FIBCD1: variants seen among roughly 807,000 people sequenced by gnomAD.
FIBCD1 encodes the protein fibrinogen C domain-containing protein 1.
Under a neutral mutation model 45.1 loss-of-function variants are expected in FIBCD1, and 47 were observed. The ratio of observed to expected loss-of-function variants is 1.04; its 90% confidence interval spans 0.82 to 1.33. The LOEUF is 1.33. FIBCD1 is among the 40% of genes most tolerant of loss of function. FIBCD1 has a pLI of 0.00. For synonymous variants in FIBCD1, 313 were observed against 308.1 expected (o/e 1.02, Z -0.17); for missense variants, 653 against 682.2 (o/e 0.96, Z 0.48).
chr9:130,912,776 G>A (rs995240046), intron 4 of FIBCD1, among the ~76,000 whole-genome samples: 1 of 151,206 alleles, frequency 6.6e-6, no homozygotes, highest in African/African-American at 2.4e-5. Context: ...ACTTTGCTCT[G>A]GGCTTCGGTT....
At chr9:130,904,387 T>C in intron 6 of FIBCD1, 64 bp from the exon 7 acceptor site, 2 of 1,534,286 alleles carry the variant, frequency 1.3e-6, no homozygotes, top group Non-Finnish European at 1.7e-6. Flanking sequence ...GTGTTGCATG[T>C]GTGAGCAGAC....
At chr9:130,908,654 G>A (rs952197955) in intron 5 of FIBCD1, among the ~76,000 whole-genome samples, 1 of 152,214 alleles carries the variant, frequency 6.6e-6, no homozygotes. Flanking sequence ...AGGAGGGGAC[G>A]ACAGCAGGGC....
At position 130,938,645 on chromosome 9, in the gene FIBCD1, G is replaced by T. The variant is rs1192922068; in HGVS notation, c.-38C>A. ...CTGGCGGGGGCGCCGGGCGAGGCGC[G>T]CCGCTGCGGAGCGCAAAGGAGACGG... On this transcript the variant is annotated 5_prime_UTR_variant, in exon 1 of 7. Transcript: ENST00000372338. The T allele has an allele frequency of 7.3e-7, 1 of 1,374,590 alleles. No homozygotes were observed. 85.1% of individuals were successfully genotyped at this position (1,374,590 alleles called of 1,614,324 possible). A position where few individuals can be genotyped will look rare whatever the true frequency, so the allele number is the denominator to read the frequency against.
Position 130,904,100 on chromosome 9 carries a change from A to C in FIBCD1, c.1350T>G (p.Ser450=). Reference sequence around the variant, plus strand: ...CCCGGACCGGCCGGATCTTCATCTCAGAGAACTTGAGTGAGTACTGCCAGC... The same window carrying C: ...CCCGGACCGGCCGGATCTTCATCTCCGAGAACTTGAGTGAGTACTGCCAGC... ...WTGWQYSLKF[S]EMKIRPVRED... The change falls in exon 7 of 7, where the codon TCT becomes TCG. Residue 450 remains serine (S), a synonymous_variant. Transcript: ENST00000372338. 6.2e-7 allele frequency: 1 copy of C among 1,613,126 alleles called. No individual in the cohort carries two copies. The highest frequency in any genetic ancestry group is 8.5e-7 in the Non-Finnish European group (1 of 1,179,852).
intron 1 of FIBCD1, chr9:130,933,736 G>C (rs553530098): frequency 4.2e-5 from 6 of 143,288 alleles, no homozygotes; most frequent in South Asian, 5.0e-4. Context: ...GTGGGGGGGG[G>C]GCGGCTCAGG....
chr9:130,930,026 C>G lies in FIBCD1; in HGVS notation c.93G>C (p.Val31=). The G allele has an allele frequency of 1.3e-6, 2 of 1,505,122 alleles. No individual in the cohort carries two copies. The highest frequency in any genetic ancestry group is 1.8e-6 in the Non-Finnish European group (2 of 1,128,160). The allele number at this position is 1,505,122 out of a possible 1,614,324, so 93.2% of individuals were successfully genotyped here. Residue 31 remains valine (V), a synonymous_variant, in exon 2 of 7, where the codon GTG becomes GTC. Transcript: ENST00000372338. The part of the protein sequence containing the change: ...DKPQRPSCGY[V]LCTVLLALAV... ...CCAGGGCCAGCAGCACGGTGCACAGCACGTAGCCGCAGCTCGGCCGCTGCA... is the reference window on the plus strand; with the variant it reads ...CCAGGGCCAGCAGCACGGTGCACAGGACGTAGCCGCAGCTCGGCCGCTGCA...
At position 130,926,087 on chromosome 9, in the gene FIBCD1, G is replaced by A. The variant is rs1353619580; in HGVS notation, c.553-1691C>T. On this transcript the variant is annotated intron_variant, in intron 2 of 6. Coordinates refer to ENST00000372338, the MANE Select transcript of FIBCD1 (RefSeq NM_032843.5). The surrounding 1 kb of genome is among the most constrained non-coding windows in gnomAD (Gnocchi z 4.1). ...AGCATCCTGTAGACGAGCTCCACTG[G>A]GCACGCCCCACAGAGGGACACAGGC... Among the ~76,000 whole-genome samples the A allele has an allele frequency of 5.3e-5, 8 of 152,140 alleles. No homozygotes were observed. The highest frequency in any genetic ancestry group is 5.2e-4 in the Admixed American group (8 of 15,274).
At chr9:130,927,247 AAAAAAAG>A (rs1832376811) in intron 2 of FIBCD1, among the ~76,000 whole-genome samples, 2 of 151,956 alleles carry the variant, frequency 1.3e-5, no homozygotes, top group Non-Finnish European at 1.5e-5. Context: ...TCTCGAAAAA[AAAAAAAG>A]AAAAAAGAAA....
At chr9:130,909,211 G>C (rs888115408) in intron 5 of FIBCD1, among the ~76,000 whole-genome samples, 2 of 151,912 alleles carry the variant, frequency 1.3e-5, no homozygotes, top group Non-Finnish European at 2.9e-5. Context: ...GGAACTCCCG[G>C]GATGTCCTCA....
chr9:130,940,350 C>T (rs575903837), upstream of FIBCD1, among the ~76,000 whole-genome samples: 1 of 152,286 alleles, frequency 6.6e-6, no homozygotes, highest in East Asian at 1.9e-4. Context: ...CAACCGCTGG[C>T]CTCACCTACG....
At chr9:130,940,122 C>A (rs1050406560), upstream of FIBCD1, among the ~76,000 whole-genome samples, 1 of 152,226 alleles carries the variant, frequency 6.6e-6, no homozygotes, top group African/African-American at 2.4e-5. Flanking sequence ...CAGTCTGTCG[C>A]CCCATCTTCG....
At chr9:130,937,728 G>A (rs1390324004) in intron 1 of FIBCD1, among the ~76,000 whole-genome samples, 1 of 152,168 alleles carries the variant, frequency 6.6e-6, no homozygotes, top group African/African-American at 2.4e-5. Flanking sequence ...CCCAGCCTGG[G>A]GCAGCCCTGG....
chr9:130,916,140 A>G (rs920468681), intron 4 of FIBCD1, among the ~76,000 whole-genome samples: 4 of 152,184 alleles, frequency 2.6e-5, no homozygotes, highest in Non-Finnish European at 1.5e-5. Flanking sequence ...GATCTTGGCC[A>G]GGATGGTCTT....
intron 2 of FIBCD1, 131 bp from the exon 3 acceptor site, chr9:130,924,527 C>T (rs1291310646): frequency 5.8e-6 from 5 of 868,300 alleles, no homozygotes; most frequent in Non-Finnish European, 8.6e-6. Flanking sequence ...AGGCCCCGCC[C>T]TGCCCTGCCC....
chr9:130,933,615 C>T (rs1445344638), intron 1 of FIBCD1, among the ~76,000 whole-genome samples: 1 of 151,974 alleles, frequency 6.6e-6, no homozygotes, highest in Non-Finnish European at 1.5e-5. Context: ...AAAGCTCATG[C>T]CAGCAGGGCG....
chr9:130,918,135 A>G (rs1232904535), intron 4 of FIBCD1, among the ~76,000 whole-genome samples: 1 of 152,202 alleles, frequency 6.6e-6, no homozygotes, highest in African/African-American at 2.4e-5. Flanking sequence ...CAGTTTCCTC[A>G]TCTGTAAAGC....
chr9:130,922,721 C>G lies in FIBCD1; in HGVS notation c.849+1023G>C, dbSNP rs902511994. ...CCCGTCTTCCTCTCTTCAACACCCCCAGTAGCTCCCGACTGTGTGTCCCAA... is the reference window on the plus strand; with the variant it reads ...CCCGTCTTCCTCTCTTCAACACCCCGAGTAGCTCCCGACTGTGTGTCCCAA... On this transcript the variant is annotated intron_variant, in intron 4 of 6. Transcript: ENST00000372338. This position sits in a 1 kb window ranked among gnomAD's most constrained non-coding sequence, Gnocchi z 4.5. Among the ~76,000 whole-genome samples, 1 of 152,158 alleles carries G rather than the reference C, an allele frequency of 6.6e-6. No homozygotes were observed. The highest frequency in any genetic ancestry group is 2.1e-4 in the South Asian group (1 of 4,830).
chr9:130,930,889 G>A (rs543442119), intron 1 of FIBCD1: 5 of 446,336 alleles, frequency 1.1e-5, no homozygotes, highest in Admixed American at 4.7e-5. Flanking sequence ...AGATGGTCTC[G>A]TGCTGTCTCT....
Position 130,904,100 on chromosome 9 carries a change from A to G in FIBCD1, c.1350T>C (p.Ser450=). 6.2e-7 allele frequency: 1 copy of G among 1,613,126 alleles called. No individual in the cohort carries two copies. The highest frequency in any genetic ancestry group is 8.5e-7 in the Non-Finnish European group (1 of 1,179,852). Residue 450 remains serine (S), a synonymous_variant, in exon 7 of 7, where the codon TCT becomes TCC. Coordinates refer to ENST00000372338, the MANE Select transcript of FIBCD1 (RefSeq NM_032843.5). ...WTGWQYSLKF[S]EMKIRPVRED... is the part of the protein sequence containing the mutation. ...CCCGGACCGGCCGGATCTTCATCTCAGAGAACTTGAGTGAGTACTGCCAGC... is the reference window on the plus strand; with the variant it reads ...CCCGGACCGGCCGGATCTTCATCTCGGAGAACTTGAGTGAGTACTGCCAGC...
Sources: gnomAD v4.1 joint callset for allele counts (sites outside exome capture counted in the v4.1 genomes callset) on GRCh38, gnomAD v4.1.1 for gene constraint, Gnocchi (gnomAD v3.1) non-coding constraint, MANE v1.5 for transcripts, NCBI Gene and HGNC (gene_info 2026-07-23, HGNC 2026-07-21) for gene names.